Variants in SLC2A13 observed in about 807,000 individuals in gnomAD.
The protein encoded by SLC2A13 is proton myo-inositol cotransporter.
A neutral mutation model predicts 64.4 loss-of-function variants in SLC2A13; 32 were observed. The ratio of observed to expected loss-of-function variants is 0.50; its 90% CI spans 0.37 to 0.67. The LOEUF (loss-of-function observed/expected upper bound fraction) is 0.67, where lower values mean the gene tolerates loss of function less well. Ranked by LOEUF, SLC2A13 falls within the 30% of genes least tolerant of loss-of-function variation. The probability of loss-of-function intolerance (pLI) is 0.00; values close to 1 mark genes in which losing one functional copy is unlikely to be tolerated. For missense variants in SLC2A13, 743 were observed against 829.2 expected, an observed-to-expected ratio of 0.90 and a Z score of 1.28; for synonymous variants, 338 against 327.1, an observed-to-expected ratio of 1.03 and a Z score of -0.36.
intron 4 of SLC2A13, among the ~76,000 whole-genome samples, chr12:39,880,147 TG>T (rs1944303858): frequency 6.6e-6 from 1 of 152,188 alleles, no homozygotes; most frequent in Non-Finnish European, 1.5e-5. Context: ...CCCCAGAAGC[TG>T]GGCAGATGCC....
At chr12:39,825,206 C>T (rs111716178) in intron 7 of SLC2A13, among the ~76,000 whole-genome samples, 363 of 152,102 alleles carry the variant, frequency 2.4e-3, no homozygotes, top group African/African-American at 8.5e-3. Context: ...ATTAGCAATA[C>T]TATTTTAAAT....
chr12:39,825,374 G>A lies in SLC2A13; in HGVS notation c.1445+4729C>T, dbSNP rs116586829. ...CATACTTTCTTTAACTTAGAAATTG[G>A]AAACTATCTGAATCTAAAATGTGTG... On this transcript the variant is annotated intron_variant, in intron 7 of 9. Transcript: ENST00000280871. Among the ~76,000 whole-genome samples the A allele has an allele frequency of 3.2e-3, 488 of 152,196 alleles. 1 individual carries two copies. Among genetic ancestry groups the A allele is most frequent in the African/African-American group, 0.011 (466 of 41,540 alleles).
intron 7 of SLC2A13, chr12:39,819,938 A>T (rs1942444277): frequency 6.6e-6 from 1 of 152,414 alleles, no homozygotes; most frequent in Non-Finnish European, 1.5e-5. Flanking sequence ...CTATAAAATG[A>T]CCACAGAAAA....
chr12:40,032,916 G>T (rs1218403284), intron 2 of SLC2A13, among the ~76,000 whole-genome samples: 1 of 152,178 alleles, frequency 6.6e-6, no homozygotes, highest in South Asian at 2.1e-4. Flanking sequence ...TGATGATTAT[G>T]TTCCAAATAT....
At chr12:40,086,543 T>C (rs975371103) in intron 1 of SLC2A13, among the ~76,000 whole-genome samples, 7 of 152,168 alleles carry the variant, frequency 4.6e-5, no homozygotes, top group African/African-American at 1.7e-4. Flanking sequence ...CATCTCTATA[T>C]ATAAGAAATA....
At chr12:40,021,005 G>A (rs1462966446) in intron 3 of SLC2A13, among the ~76,000 whole-genome samples, 1 of 151,766 alleles carries the variant, frequency 6.6e-6, no homozygotes, top group Non-Finnish European at 1.5e-5. Flanking sequence ...GGAAAAAAGA[G>A]ATCTTTGACA....
rs528364556 is a variant in SLC2A13 at position 40,018,750 on chromosome 12, G to C, written c.925+9551C>G. ...CTTCTTTGCAGGGTTCACTGATTGG[G>C]GTAAACAGGGAAGGTCAGGGGATGT... is the stretch of plus-strand genomic sequence containing the variant. On this transcript the variant is annotated intron_variant, in intron 3 of 9. Coordinates refer to ENST00000280871, the MANE Select transcript of SLC2A13 (RefSeq NM_052885.4). Among the ~76,000 whole-genome samples, 10 of 152,184 alleles carry C rather than the reference G, an allele frequency of 6.6e-5. No homozygotes were observed. The East Asian group carries it at 1.9e-3, about 29-fold the overall frequency.
Position 40,105,381 on chromosome 12 carries a change from C to G in SLC2A13, c.428G>C (p.Gly143Ala). Reference sequence around the variant, plus strand: ...GATGGCAGCGCGGCGGCCGAAGACGCCGTTGAGGGCGCCTCCGGCCAGCGC... The same window carrying G: ...GATGGCAGCGCGGCGGCCGAAGACGGCGTTGAGGGCGCCTCCGGCCAGCGC... ...VSALAGGALN[G>A]VFGRRAAILL... Residue 143 changes from glycine to alanine, a missense_variant, in exon 1 of 10, where the codon GGC (glycine) becomes GCC (alanine). Coordinates refer to ENST00000280871, the MANE Select transcript of SLC2A13 (RefSeq NM_052885.4). This position sits in a 1 kb window ranked among gnomAD's most constrained non-coding sequence, Gnocchi z 4.2. 6.4e-7 allele frequency: 1 copy of G among 1,565,342 alleles called. No homozygotes were observed. Among genetic ancestry groups the G allele is most frequent in the Non-Finnish European group, 8.6e-7 (1 of 1,156,140 alleles).
chr12:39,833,939 T>C (rs1362696164), intron 6 of SLC2A13, among the ~76,000 whole-genome samples: 1 of 148,890 alleles, frequency 6.7e-6, no homozygotes, highest in Admixed American at 6.7e-5. Flanking sequence ...CCTCCGAAAG[T>C]AGGTCGTAAG....
intron 4 of SLC2A13, among the ~76,000 whole-genome samples, chr12:39,948,191 T>TA (rs925827698): frequency 3.9e-4 from 59 of 151,422 alleles, no homozygotes; most frequent in Non-Finnish European, 4.3e-4. Flanking sequence ...AGTCATATTA[T>TA]AAAAAAAAAT....
intron 7 of SLC2A13, among the ~76,000 whole-genome samples, chr12:39,769,569 C>T (rs911742289): frequency 3.3e-5 from 5 of 152,022 alleles, no homozygotes; most frequent in East Asian, 3.9e-4. Context: ...TTCCTCCCTC[C>T]GGTGGTACAA....
At chr12:39,947,913 G>C (rs1160829169) in intron 4 of SLC2A13, among the ~76,000 whole-genome samples, 1 of 152,012 alleles carries the variant, frequency 6.6e-6, no homozygotes, top group Non-Finnish European at 1.5e-5. Flanking sequence ...GCCCACCTCG[G>C]CCTCCCAAAG....
chr12:40,089,997 C>T (rs1555163308), intron 1 of SLC2A13, among the ~76,000 whole-genome samples: 1 of 150,730 alleles, frequency 6.6e-6, no homozygotes, highest in Non-Finnish European at 1.5e-5. Context: ...ATGTTTGCTT[C>T]TTTTTTTTTA....
At chr12:39,806,710 T>G (rs988587544) in intron 7 of SLC2A13, among the ~76,000 whole-genome samples, 1 of 152,214 alleles carries the variant, frequency 6.6e-6, no homozygotes. Flanking sequence ...TATTTGAGAA[T>G]TCTTCAAAAT....
intron 5 of SLC2A13, among the ~76,000 whole-genome samples, chr12:39,869,099 C>T (rs1943978979): frequency 6.6e-6 from 1 of 152,104 alleles, no homozygotes; most frequent in South Asian, 2.1e-4. Flanking sequence ...TATGTTAGTA[C>T]TATTAAAATG....
intron 2 of SLC2A13, among the ~76,000 whole-genome samples, chr12:40,033,292 CATTA>C (rs1177481596): frequency 6.6e-6 from 1 of 152,208 alleles, no homozygotes; most frequent in East Asian, 1.9e-4. Context: ...TTAAAAAGTG[CATTA>C]ATTTACCTTA....
Position 39,788,862 on chromosome 12 carries a change from C to A in SLC2A13, c.1446-24004G>T, listed in dbSNP as rs544907486. ...CCAGACTCAAACTTCAACTACTCAT[C>A]TACATGTAGCCATCTTATCACCATA... is the stretch of plus-strand genomic sequence containing the variant. On this transcript the variant is annotated intron_variant, in intron 7 of 9. Transcript: ENST00000280871. Among the ~76,000 whole-genome samples, 5 of 152,264 alleles carry A rather than the reference C, an allele frequency of 3.3e-5. No individual in the cohort carries two copies. In the South Asian group the frequency reaches 1.0e-3, roughly 32 times the overall value.
At chr12:39,921,378 T>C (rs758628906) in intron 4 of SLC2A13, among the ~76,000 whole-genome samples, 2 of 152,108 alleles carry the variant, frequency 1.3e-5, no homozygotes, top group South Asian at 2.1e-4. Context: ...AGCTCTCTCC[T>C]GCCCTGGCTG....
chr12:39,769,984 T>C (rs1393788113), intron 7 of SLC2A13, among the ~76,000 whole-genome samples: 1 of 152,128 alleles, frequency 6.6e-6, no homozygotes, highest in Non-Finnish European at 1.5e-5. Flanking sequence ...GCTCTTTGAT[T>C]ACTCTGTGGT....
Sources: gnomAD v4.1 joint callset for allele counts (sites outside exome capture counted in the v4.1 genomes callset) on GRCh38, gnomAD v4.1.1 for gene constraint, Gnocchi (gnomAD v3.1) non-coding constraint, MANE v1.5 for transcripts, NCBI Gene and HGNC (gene_info 2026-07-23, HGNC 2026-07-21) for gene names.